Variants in MGAT5 observed in about 807,000 individuals in gnomAD.
MGAT5 encodes the protein alpha-1,6-mannosylglycoprotein 6-beta-N-acetylglucosaminyltransferase.
A neutral mutation model predicts 94.3 loss-of-function variants in MGAT5; 30 were observed. That is an observed-to-expected ratio of 0.32 (90% CI 0.24 to 0.43). MGAT5 has a LOEUF of 0.43. MGAT5 is among the 20% of genes least tolerant of loss of function. MGAT5 has a pLI of 1.00. For missense variants in MGAT5, 691 were observed against 905.5 expected (o/e 0.76, Z 3.04); for synonymous variants, 310 against 322.9 (o/e 0.96, Z 0.43).
intron 10 of MGAT5, among the ~76,000 whole-genome samples, chr2:134,397,076 G>A (rs759635380): frequency 1.3e-5 from 2 of 152,216 alleles, no homozygotes; most frequent in Non-Finnish European, 2.9e-5. Flanking sequence ...ATGACAGAGG[G>A]AATAGTTGGA....
chr2:134,298,681 G>T lies in MGAT5; in HGVS notation c.407-18848G>T, dbSNP rs140367950. 4.6e-3 allele frequency among the ~76,000 whole-genome samples: 702 copies of T among 152,214 alleles called. 8 individuals carry two copies. Among genetic ancestry groups the T allele is most frequent in the Middle Eastern group, 0.01 (3 of 294 alleles). ...AAATTTGGTACTGCAGATGGTTTGG[G>T]TGGTCTCCTGGAGTCTCTTTTGATT... On this transcript the variant is annotated intron_variant, in intron 2 of 15. Transcript: ENST00000281923.
upstream of MGAT5, among the ~76,000 whole-genome samples, chr2:134,251,184 T>G (rs1466782540): frequency 1.3e-5 from 2 of 150,732 alleles, no homozygotes; most frequent in African/African-American, 4.9e-5. Flanking sequence ...TAATGAGTAA[T>G]GAGTATGGGT....
intron 1 of MGAT5, among the ~76,000 whole-genome samples, chr2:134,201,827 T>TTTTTA (rs1679802229): frequency 8.4e-6 from 1 of 119,530 alleles, no homozygotes; most frequent in Admixed American, 9.3e-5. Flanking sequence ...TTTTTTTTTT[T>TTTTTA]TTTTTTTTTT....
intron 1 of MGAT5, among the ~76,000 whole-genome samples, chr2:134,186,551 TC>T (rs2105200731): frequency 6.6e-6 from 1 of 152,282 alleles, no homozygotes; most frequent in East Asian, 1.9e-4. Context: ...GTCCATGTCT[TC>T]CTAGGGTCAG....
At chr2:134,198,689 G>A (rs1457761699) in intron 1 of MGAT5, among the ~76,000 whole-genome samples, 1 of 152,172 alleles carries the variant, frequency 6.6e-6, no homozygotes, top group Non-Finnish European at 1.5e-5. Flanking sequence ...GGATCAAGTA[G>A]TGCACGTTCT....
intron 1 of MGAT5, among the ~76,000 whole-genome samples, chr2:134,154,320 C>T (rs569187591): frequency 2.6e-5 from 4 of 152,270 alleles, no homozygotes; most frequent in South Asian, 4.2e-4. Context: ...TGTTGCAATA[C>T]GAGAGGCTGC....
At chr2:134,177,234 C>T (rs1310601848) in intron 1 of MGAT5, among the ~76,000 whole-genome samples, 1 of 149,446 alleles carries the variant, frequency 6.7e-6, no homozygotes, top group Admixed American at 6.8e-5. Context: ...GGTTGATAAA[C>T]AGTTCTATGG....
intron 1 of MGAT5, among the ~76,000 whole-genome samples, chr2:134,173,504 C>T (rs1022291113): frequency 6.6e-6 from 1 of 152,240 alleles, no homozygotes; most frequent in Non-Finnish European, 1.5e-5. Flanking sequence ...CCCCCTTGTT[C>T]TCAGCTCTGC....
intron 1 of MGAT5, among the ~76,000 whole-genome samples, chr2:134,131,807 A>G (rs1006346903): frequency 6.6e-6 from 1 of 151,862 alleles, no homozygotes; most frequent in East Asian, 1.9e-4. Flanking sequence ...GCTGTTTCTG[A>G]TATCCTTTTA....
intron 1 of MGAT5, among the ~76,000 whole-genome samples, chr2:134,129,138 A>G (rs900096243): frequency 3.0e-4 from 45 of 152,184 alleles, no homozygotes; most frequent in African/African-American, 1.0e-3. Context: ...CAAGGTGTCT[A>G]TTCCTTTCTG....
At chr2:134,133,922 C>T (rs1244738736) in intron 1 of MGAT5, among the ~76,000 whole-genome samples, 3 of 151,980 alleles carry the variant, frequency 2.0e-5, no homozygotes, top group African/African-American at 7.2e-5. Context: ...TTAAGCCATC[C>T]TTTAAAAAAA....
chr2:134,358,042 A>G (rs1679857945), intron 9 of MGAT5, among the ~76,000 whole-genome samples: 1 of 152,192 alleles, frequency 6.6e-6, no homozygotes, highest in African/African-American at 2.4e-5. Context: ...GACAATCAGT[A>G]TTCTTCTTCA....
In MGAT5 at chr2:134,237,689, GTTTTTTTTTTTT is replaced by G. The variant is rs35697003; in HGVS notation, c.-142-16570_-142-16559del. Among the ~76,000 whole-genome samples the G allele has an allele frequency of 6.5e-3, 46 of 7,056 alleles. 4 individuals carry two copies. In the East Asian group the frequency reaches 0.09, roughly 14 times the overall value. 4.6% of individuals were successfully genotyped at this position (7,056 alleles called of 152,430 possible). Reference sequence around the variant, plus strand: ...AGGTTGGAGTGCAGTTTTTGTTTTTGTTTTTTTTTTTTTTGAGATGGAGTCTTGCTCTGTCGC... The same window carrying G: ...AGGTTGGAGTGCAGTTTTTGTTTTTGTTGAGATGGAGTCTTGCTCTGTCGC... On this transcript the variant is annotated intron_variant, in intron 1 of 16. Coordinates refer to the MGAT5 transcript ENST00000409645.
intron 2 of MGAT5, among the ~76,000 whole-genome samples, chr2:134,290,474 T>C (rs538856951): frequency 1.1e-4 from 16 of 152,354 alleles, no homozygotes; most frequent in African/African-American, 3.8e-4. Context: ...CTTTTCCACA[T>C]GCAAACTTGA....
chr2:134,353,354 G>T (rs1679513993), intron 9 of MGAT5, among the ~76,000 whole-genome samples: 1 of 152,156 alleles, frequency 6.6e-6, no homozygotes, highest in African/African-American at 2.4e-5. Context: ...CTATACAGTT[G>T]TAGTGGGAAA....
At chr2:134,249,768 G>A (rs1306659705), upstream of MGAT5, among the ~76,000 whole-genome samples, 1 of 152,134 alleles carries the variant, frequency 6.6e-6, no homozygotes. Context: ...CATTTCTCTT[G>A]GGAGAGTTCC....
At position 134,399,110 on chromosome 2, in the gene MGAT5, T is replaced by C. The variant is rs141130598; in HGVS notation, c.1381-3878T>C. On this transcript the variant is annotated intron_variant, in intron 10 of 15. Coordinates refer to ENST00000281923, the MANE Select transcript of MGAT5 (RefSeq NM_002410.5). Reference sequence around the variant, plus strand: ...AATGATAAATGTTTGAGGTGATGGATACCCTAAATACCCTGATTTGATCAT... The same window carrying C: ...AATGATAAATGTTTGAGGTGATGGACACCCTAAATACCCTGATTTGATCAT... 2.4e-3 allele frequency among the ~76,000 whole-genome samples: 368 copies of C among 152,322 alleles called. 3 individuals carry two copies. The highest frequency in any genetic ancestry group is 9.3e-3 in the South Asian group (45 of 4,828).
At chr2:134,431,911 T>C (rs962812107) in intron 14 of MGAT5, among the ~76,000 whole-genome samples, 1 of 152,218 alleles carries the variant, frequency 6.6e-6, no homozygotes, top group South Asian at 2.1e-4. Context: ...GAAAGACTCC[T>C]GGATCTAGGA....
rs535876974 is a variant in MGAT5, at chr2:134,188,494, A to G, written c.-142-65768A>G. On this transcript the variant is annotated intron_variant, in intron 1 of 16. Transcript: ENST00000409645. Reference sequence around the variant, plus strand: ...GTGATGATTGAGTTAATACATGTGGAAGGTCTTAGAACCATGTCTGGGGTA... The same window carrying G: ...GTGATGATTGAGTTAATACATGTGGGAGGTCTTAGAACCATGTCTGGGGTA... Among the ~76,000 whole-genome samples the G allele has an allele frequency of 1.3e-5, 2 of 152,372 alleles. 1 individual carries two copies. The highest frequency in any genetic ancestry group is 4.8e-5 in the African/African-American group (2 of 41,598).
Sources: gnomAD v4.1 joint callset for allele counts (sites outside exome capture counted in the v4.1 genomes callset) on GRCh38, gnomAD v4.1.1 for gene constraint, MANE v1.5 for transcripts, NCBI Gene and HGNC (gene_info 2026-07-23, HGNC 2026-07-21) for gene names.